BCKDHB: variants seen among roughly 807,000 people sequenced by gnomAD.
The protein encoded by BCKDHB is 2-oxoisovalerate dehydrogenase subunit beta, mitochondrial.
In BCKDHB, 41 loss-of-function variants were observed where a neutral mutation model predicts 48.5. The ratio of observed to expected loss-of-function variants is 0.85; its 90% CI spans 0.66 to 1.10. The LOEUF (loss-of-function observed/expected upper bound fraction) is 1.10, where lower values mean the gene tolerates loss of function less well. Ranked by LOEUF, BCKDHB falls within the 50% of genes least tolerant of loss-of-function variation. BCKDHB has a pLI of 0.00. For synonymous variants in BCKDHB, 201 were observed against 174.8 expected (o/e 1.15, Z -1.18); for missense variants, 496 against 494.2 (o/e 1.00, Z -0.03).
intron 9 of BCKDHB, among the ~76,000 whole-genome samples, chr6:80,318,327 A>G (rs1768545025): frequency 6.6e-6 from 1 of 152,114 alleles, no homozygotes; most frequent in Admixed American, 6.5e-5. Flanking sequence ...GGATGTCTGT[A>G]TATACAGTTG....
chr6:80,294,896 T>C (rs11963919), intron 9 of BCKDHB, among the ~76,000 whole-genome samples: 3 of 150,196 alleles, frequency 2.0e-5, no homozygotes, highest in African/African-American at 7.4e-5. Flanking sequence ...TTCTGCTTTT[T>C]CCTTTTGTCC....
chr6:80,449,400 G>A, the BCKDHB span, among the ~76,000 whole-genome samples: 11 of 152,188 alleles, frequency 7.2e-5, no homozygotes, highest in East Asian at 1.2e-3. Flanking sequence ...GTGTTGGCTC[G>A]TCAGTACAAG....
the BCKDHB span, among the ~76,000 whole-genome samples, chr6:80,457,131 G>T: frequency 6.6e-6 from 1 of 152,126 alleles, no homozygotes; most frequent in Non-Finnish European, 1.5e-5. Flanking sequence ...GATAAATTTG[G>T]TGGCATTTTA....
At chr6:80,462,665 C>A in the BCKDHB span, among the ~76,000 whole-genome samples, 1 of 152,132 alleles carries the variant, frequency 6.6e-6, no homozygotes, top group Admixed American at 6.6e-5. Flanking sequence ...GGCATTATGG[C>A]CCCCATAATC....
chr6:80,410,217 G>T, the BCKDHB span, among the ~76,000 whole-genome samples: 1 of 152,114 alleles, frequency 6.6e-6, no homozygotes, highest in Admixed American at 6.6e-5. Context: ...GCTTTGTTTG[G>T]CTGGATATGA....
At chr6:80,110,020 A>T (rs1769331367) in intron 1 of BCKDHB, among the ~76,000 whole-genome samples, 1 of 152,220 alleles carries the variant, frequency 6.6e-6, no homozygotes, top group Admixed American at 6.5e-5. Context: ...TGCTTTTCAC[A>T]TGTCCTGCAA....
At chr6:80,233,250 A>G (rs73748756) in intron 8 of BCKDHB, among the ~76,000 whole-genome samples, 2,975 of 152,252 alleles carry the variant, frequency 0.02, 87 homozygotes, top group African/African-American at 0.068. Context: ...TTTTATATTC[A>G]AAGGTTTGGA....
intron 1 of BCKDHB, among the ~76,000 whole-genome samples, chr6:80,117,276 A>C (rs1769755118): frequency 6.6e-6 from 1 of 152,352 alleles, no homozygotes; most frequent in East Asian, 1.9e-4. Context: ...ATACAAGACG[A>C]ATAGATTCTT....
chr6:80,400,458 A>G, the BCKDHB span, among the ~76,000 whole-genome samples: 1 of 152,042 alleles, frequency 6.6e-6, no homozygotes, highest in Non-Finnish European at 1.5e-5. Flanking sequence ...CCACCAAAAA[A>G]TCATATAAAA....
At chr6:80,146,605 C>T (rs1179844649) in intron 3 of BCKDHB, among the ~76,000 whole-genome samples, 1 of 152,070 alleles carries the variant, frequency 6.6e-6, no homozygotes, top group African/African-American at 2.4e-5. Context: ...ACTTAGGAGG[C>T]TTGGAAAAAC....
At chr6:80,423,879 T>C in the BCKDHB span, among the ~76,000 whole-genome samples, 1 of 152,200 alleles carries the variant, frequency 6.6e-6, no homozygotes, top group South Asian at 2.1e-4. Flanking sequence ...GCCTGATTGT[T>C]TTCCAGGAGT....
At chr6:80,294,854 G>C (rs11961388) in intron 9 of BCKDHB, among the ~76,000 whole-genome samples, 14,398 of 148,386 alleles carry the variant, frequency 0.097, 933 homozygotes, top group South Asian at 0.22. Flanking sequence ...TTGCCCTTTG[G>C]CTTGTGACCT....
the BCKDHB span, among the ~76,000 whole-genome samples, chr6:80,407,889 G>A: frequency 6.6e-5 from 10 of 152,180 alleles, no homozygotes; most frequent in South Asian, 4.2e-4. Flanking sequence ...TTCCAACACT[G>A]TGTTGAATAG....
At chr6:80,191,778 GT>G (rs1773904956) in intron 6 of BCKDHB, among the ~76,000 whole-genome samples, 4 of 152,186 alleles carry the variant, frequency 2.6e-5, no homozygotes, top group Admixed American at 6.5e-5. Context: ...TTGTGGTGAG[GT>G]AGAAGGGTGG....
At chr6:80,250,266 C>T (rs972904405) in intron 8 of BCKDHB, among the ~76,000 whole-genome samples, 1 of 105,560 alleles carries the variant, frequency 9.5e-6, no homozygotes, top group East Asian at 3.7e-4. Context: ...TGAATCTTTA[C>T]TTCTGGCATT....
At chr6:80,234,228 G>C (rs539054604) in intron 8 of BCKDHB, among the ~76,000 whole-genome samples, 100 of 152,254 alleles carry the variant, frequency 6.6e-4, no homozygotes, top group African/African-American at 2.3e-3. Context: ...GGGGACCCCT[G>C]GTATAATGGA....
chr6:80,442,144 T>C, the BCKDHB span, among the ~76,000 whole-genome samples: 1 of 152,174 alleles, frequency 6.6e-6, no homozygotes, highest in Non-Finnish European at 1.5e-5. Context: ...AACTAAATAA[T>C]GTATTCACAG....
intron 9 of BCKDHB, among the ~76,000 whole-genome samples, chr6:80,289,996 T>G (rs778190116): frequency 1.3e-5 from 2 of 152,068 alleles, no homozygotes; most frequent in African/African-American, 2.4e-5. Context: ...AGGGTCACGC[T>G]TAGCCACCCT....
chr6:80,277,658 GT>G (rs35644465), intron 9 of BCKDHB, among the ~76,000 whole-genome samples: 48,993 of 138,508 alleles, frequency 0.35, 8,262 homozygotes, highest in Non-Finnish European at 0.38. Context: ...TAAGATTTGA[GT>G]TTTTTTTTTT....
Sources: allele counts gnomAD v4.1 joint callset (sites outside exome capture counted in the v4.1 genomes callset), GRCh38; gene constraint gnomAD v4.1.1; transcripts MANE v1.5; gene names NCBI Gene and HGNC (gene_info 2026-07-23, HGNC 2026-07-21).